Variants in NBEA observed in about 807,000 individuals in gnomAD.
NBEA encodes lysosomal-trafficking regulator 2.
NBEA carries 44 observed loss-of-function variants against 343.4 expected under a neutral mutation model. That is an observed-to-expected ratio of 0.13 (90% CI 0.10 to 0.16). The LOEUF is 0.16. Ranked by LOEUF, NBEA falls within the 10% of genes least tolerant of loss-of-function variation. The pLI, the probability that NBEA is intolerant of heterozygous loss-of-function variation, is 1.00. For missense variants in NBEA, 2,555 were observed against 3,631.3 expected (o/e 0.70, Z 7.62); for synonymous variants, 1,175 against 1,238.7 (o/e 0.95, Z 1.08).
intron 34 of NBEA, among the ~76,000 whole-genome samples, chr13:35,285,772 C>A (rs756491448): frequency 1.2e-4 from 18 of 152,112 alleles, no homozygotes; most frequent in Non-Finnish European, 1.8e-4. Flanking sequence ...AGAGCTAATT[C>A]TGTCTGCGCC....
At chr13:35,540,985 C>G (rs1291593630) in intron 41 of NBEA, among the ~76,000 whole-genome samples, 1 of 152,090 alleles carries the variant, frequency 6.6e-6, no homozygotes, top group Non-Finnish European at 1.5e-5. Context: ...TCTAAAGTGC[C>G]AGTTTCATTG....
At chr13:35,552,543 T>C (rs1566309552) in intron 43 of NBEA, among the ~76,000 whole-genome samples, 1 of 152,214 alleles carries the variant, frequency 6.6e-6, no homozygotes, top group Non-Finnish European at 1.5e-5. Context: ...CTAAGCTGAC[T>C]CATAATAATC....
intron 1 of NBEA, among the ~76,000 whole-genome samples, chr13:34,987,941 TCCTC>T (rs2060614931): frequency 6.6e-6 from 1 of 150,894 alleles, no homozygotes; most frequent in Non-Finnish European, 1.5e-5. Flanking sequence ...GGTTTGAACA[TCCTC>T]CTTTAGCTCG....
chr13:35,215,448 C>T (rs930174520), intron 33 of NBEA, among the ~76,000 whole-genome samples: 2 of 150,968 alleles, frequency 1.3e-5, no homozygotes, highest in Non-Finnish European at 3.0e-5. Context: ...AGTTAGAAGC[C>T]AGACCAAAAA....
intron 30 of NBEA, among the ~76,000 whole-genome samples, chr13:35,193,829 TAAAC>T (rs926488089): frequency 1.6e-4 from 25 of 151,990 alleles, no homozygotes; most frequent in African/African-American, 3.9e-4. Flanking sequence ...AACTAACAAA[TAAAC>T]AAACAAAATT....
chr13:35,232,368 T>A (rs979376095), intron 33 of NBEA, 124 bp from the exon 34 acceptor site: 6 of 667,686 alleles, frequency 9.0e-6, no homozygotes, highest in Non-Finnish European at 1.5e-5. Flanking sequence ...ACATGAAGCT[T>A]GTTATTATTC....
At chr13:35,106,698 G>T (rs1022471153) in intron 11 of NBEA, among the ~76,000 whole-genome samples, 9 of 151,460 alleles carry the variant, frequency 5.9e-5, no homozygotes, top group African/African-American at 1.9e-4. Flanking sequence ...ATTTTCCAAA[G>T]AATAATTTTA....
chr13:35,520,386 A>T (rs73171521), intron 41 of NBEA, among the ~76,000 whole-genome samples: 16,025 of 152,218 alleles, frequency 0.11, 870 homozygotes, highest in African/African-American at 0.13. Flanking sequence ...CTTCAGTTAA[A>T]AAATGCCTTG....
At chr13:35,631,431 C>G (rs2153067533) in intron 49 of NBEA, among the ~76,000 whole-genome samples, 2 of 151,866 alleles carry the variant, frequency 1.3e-5, no homozygotes, top group South Asian at 2.1e-4. Flanking sequence ...TTATTGAGCT[C>G]AATACATTTA....
chr13:35,653,738 T>C (rs1233242905), intron 53 of NBEA, among the ~76,000 whole-genome samples: 2 of 152,186 alleles, frequency 1.3e-5, no homozygotes, highest in East Asian at 3.9e-4. Context: ...ACCATTTACA[T>C]GTCTTTGGGA....
chr13:35,353,359 C>T (rs1384466663), intron 38 of NBEA, among the ~76,000 whole-genome samples: 1 of 151,866 alleles, frequency 6.6e-6, no homozygotes, highest in Admixed American at 6.6e-5. Context: ...TGCTTGAACC[C>T]AGGAGGCAGA....
chr13:35,554,116 G>A (rs2079472336), intron 43 of NBEA, among the ~76,000 whole-genome samples: 1 of 152,108 alleles, frequency 6.6e-6, no homozygotes, highest in African/African-American at 2.4e-5. Context: ...TTCTCTTTAA[G>A]TTTATGAGTA....
chr13:35,649,950 T>C lies in NBEA; in HGVS notation c.7963+103T>C, dbSNP rs564572092. 1.3e-3 allele frequency: 1,430 copies of C among 1,110,648 alleles called. 2 individuals carry two copies. The highest frequency in any genetic ancestry group is 1.7e-3 in the Non-Finnish European group (1,322 of 775,186). 68.8% of individuals were successfully genotyped at this position (1,110,648 alleles called of 1,614,324 possible). A position where few individuals can be genotyped will look rare whatever the true frequency, so the allele number is the denominator to read the frequency against. On this transcript the variant is annotated intron_variant, in intron 52 of 58. Coordinates refer to ENST00000379939, the MANE Select transcript of NBEA (RefSeq NM_001385012.1). ...GGATTAGCTCATATCCCACATTATC[T>C]ACAAAAAACAGCAGACTAAATAAAT...
intron 41 of NBEA, among the ~76,000 whole-genome samples, chr13:35,499,386 T>G (rs1386777917): frequency 6.6e-6 from 1 of 152,046 alleles, no homozygotes; most frequent in Non-Finnish European, 1.5e-5. Context: ...GACTAGAAAG[T>G]GCGGAGCTGC....
chr13:35,452,344 T>G, intron 40 of NBEA, 109 bp downstream of exon 40: 1 of 764,540 alleles, frequency 1.3e-6, no homozygotes, highest in East Asian at 2.7e-5. Context: ...GTAACAATGC[T>G]CAATCACATG....
chr13:35,386,800 T>C (rs1371004181), intron 38 of NBEA, among the ~76,000 whole-genome samples: 1 of 152,166 alleles, frequency 6.6e-6, no homozygotes, highest in Non-Finnish European at 1.5e-5. Flanking sequence ...TTGATAAATG[T>C]GGCTGCCCTA....
intron 11 of NBEA, among the ~76,000 whole-genome samples, chr13:35,104,420 C>T (rs2065814919): frequency 6.6e-6 from 1 of 151,846 alleles, no homozygotes; most frequent in African/African-American, 2.4e-5. Flanking sequence ...ATTTTTGTCT[C>T]CCCTTATTGC....
intron 44 of NBEA, among the ~76,000 whole-genome samples, chr13:35,557,487 C>A (rs2079629057): frequency 6.6e-6 from 1 of 152,134 alleles, no homozygotes; most frequent in South Asian, 2.1e-4. Flanking sequence ...TGAGCCAGAG[C>A]ATGCAGACTC....
chr13:35,510,427 C>T (rs116642767), intron 41 of NBEA, among the ~76,000 whole-genome samples: 318 of 152,264 alleles, frequency 2.1e-3, no homozygotes, highest in African/African-American at 7.0e-3. Context: ...AATTTTTCAG[C>T]TCTGTTGTTC....
Sources: gnomAD v4.1 joint callset for allele counts (sites outside exome capture counted in the v4.1 genomes callset) on GRCh38, gnomAD v4.1.1 for gene constraint, MANE v1.5 for transcripts, NCBI Gene and HGNC (gene_info 2026-07-23, HGNC 2026-07-21) for gene names.